NAV1: variants seen among roughly 807,000 people sequenced by gnomAD.
The protein encoded by NAV1 is neuron navigator 1.
A neutral mutation model predicts 175.2 loss-of-function variants in NAV1; 18 were observed. The observed-to-expected ratio is 0.10, with a 90% confidence interval of 0.07 to 0.15. NAV1 has a LOEUF of 0.15. Ranked by LOEUF, NAV1 falls within the 10% of genes least tolerant of loss-of-function variation. The probability of loss-of-function intolerance (pLI) is 1.00; values close to 1 mark genes in which losing one functional copy is unlikely to be tolerated. For missense variants in NAV1, 1,731 were observed against 2,436.6 expected (o/e 0.71, Z 6.10); for synonymous variants, 897 against 978.7 (o/e 0.92, Z 1.56).
At chr1:201,738,939 A>C (rs571892535) in intron 3 of NAV1, among the ~76,000 whole-genome samples, 1 of 152,324 alleles carries the variant, frequency 6.6e-6, no homozygotes, top group South Asian at 2.1e-4. Flanking sequence ...ATAGACACTT[A>C]GCCCCTTCCA....
chr1:201,826,921 A>T (rs1679702688), exon 30 of NAV1: 1 of 152,226 alleles, frequency 6.6e-6, no homozygotes, highest in African/African-American at 2.4e-5. Flanking sequence ...AGCAAGATTC[A>T]TCTGTTCAAT....
upstream of NAV1, chr1:201,622,766 C>G (rs190651449): frequency 1.0e-6 from 1 of 959,250 alleles, no homozygotes. Flanking sequence ...AGCCTCCCCA[C>G]AGACCCCAAC....
rs1221039793 is a variant in NAV1 at position 201,616,567 on chromosome 1, A to T, written c.-32-6286A>T. ...CAATAGCGCAATCTCGGCTCACTGC[A>T]ACCTCCGCCTCCCAGGTTCAAGCGA... On this transcript the variant is annotated intron_variant, in intron 2 of 33. Coordinates refer to the NAV1 transcript ENST00000685211. 2.6e-5 allele frequency among the ~76,000 whole-genome samples: 4 copies of T among 151,926 alleles called. No individual in the cohort carries two copies. The East Asian group carries it at 7.7e-4, about 29-fold the overall frequency.
chr1:201,626,815 C>T (rs1316972377), intron 1 of NAV1, among the ~76,000 whole-genome samples: 3 of 152,226 alleles, frequency 2.0e-5, no homozygotes, highest in African/African-American at 4.8e-5. Flanking sequence ...CAATTTTCTT[C>T]TCTCTGGTTC....
In NAV1 at chr1:201,807,936, G is replaced by A; in HGVS notation, c.3649-17G>A. ...TGGAGTCCTAATGTCCCTCTACCTG[G>A]ATCTGCTTTTTTCTAGCTTCGAAGT... On this transcript the variant is annotated splice_polypyrimidine_tract_variant and intron_variant, in intron 17 of 29. Coordinates refer to ENST00000367296, the Ensembl canonical transcript of NAV1. The surrounding 1 kb of genome is among the most constrained non-coding windows in gnomAD (Gnocchi z 5.4). The A allele has an allele frequency of 6.2e-7, 1 of 1,613,906 alleles. No homozygotes were observed. The highest frequency in any genetic ancestry group is 8.5e-7 in the Non-Finnish European group (1 of 1,179,880).
chr1:201,679,262 C>A (rs1670376220), intron 1 of NAV1, among the ~76,000 whole-genome samples: 1 of 152,124 alleles, frequency 6.6e-6, no homozygotes, highest in African/African-American at 2.4e-5. Flanking sequence ...CTTGGAGAAC[C>A]AGAAACCCTG....
In NAV1 at chr1:201,677,698, G is replaced by A. The variant is rs537313888; in HGVS notation, c.757+28273G>A. ...GCTGAAGTGCAGTGGCATGATCTCC[G>A]CTCACTGCAACCTTCGCCTCCCAGG... is the stretch of plus-strand genomic sequence containing the variant. On this transcript the variant is annotated intron_variant, in intron 1 of 29. Transcript: ENST00000367296. Among the ~76,000 whole-genome samples the A allele has an allele frequency of 1.2e-4, 18 of 152,204 alleles. 1 individual carries two copies. The South Asian group carries it at 3.7e-3, about 32-fold the overall frequency.
exon 30 of NAV1, chr1:201,825,448 C>G (rs1679617934): frequency 6.6e-6 from 1 of 152,104 alleles, no homozygotes; most frequent in Non-Finnish European, 1.5e-5. Context: ...CCAGAACCTC[C>G]TTCTGTATGG....
intron 3 of NAV1, among the ~76,000 whole-genome samples, chr1:201,752,875 A>G (rs563333661): frequency 1.8e-4 from 28 of 152,216 alleles, no homozygotes; most frequent in Non-Finnish European, 4.1e-4. Context: ...GGTAACTTGC[A>G]AATTTTTCCC....
chr1:201,725,227 C>G (rs1672554222), intron 3 of NAV1, among the ~76,000 whole-genome samples: 1 of 152,224 alleles, frequency 6.6e-6, no homozygotes, highest in Non-Finnish European at 1.5e-5. Context: ...TTTGAATGGA[C>G]AAGGAGTAGA....
chr1:201,719,434 G>A, intron 3 of NAV1: 2 of 154,154 alleles, frequency 1.3e-5, no homozygotes, highest in Middle Eastern at 1.1e-3. Flanking sequence ...CTTTTGCCCT[G>A]CAGGGACCCT....
At chr1:201,706,016 G>A (rs1671651836) in intron 1 of NAV1, among the ~76,000 whole-genome samples, 1 of 152,134 alleles carries the variant, frequency 6.6e-6, no homozygotes, top group Admixed American at 6.5e-5. Flanking sequence ...AGTGCACTGA[G>A]GTGGGCCTGC....
At chr1:201,723,243 T>C (rs1672466817) in intron 3 of NAV1, 1 of 152,382 alleles carries the variant, frequency 6.6e-6, no homozygotes, top group Admixed American at 6.5e-5. Flanking sequence ...TGGAGAGATA[T>C]CTATTCAAGT....
At chr1:201,598,482 C>T (rs1457255215) in intron 2 of NAV1, among the ~76,000 whole-genome samples, 5 of 152,084 alleles carry the variant, frequency 3.3e-5, no homozygotes, top group Non-Finnish European at 7.3e-5. Context: ...GGCCATGCGG[C>T]GTGGGGCCGG....
At chr1:201,793,333 A>T in intron 13 of NAV1, 3 of 154,828 alleles carry the variant, frequency 1.9e-5, no homozygotes, top group Non-Finnish European at 4.3e-5. Flanking sequence ...GTAGCAGAGG[A>T]GGAAGAAACG....
At chr1:201,689,845 T>C (rs1670831587) in intron 1 of NAV1, among the ~76,000 whole-genome samples, 1 of 152,230 alleles carries the variant, frequency 6.6e-6, no homozygotes, top group Non-Finnish European at 1.5e-5. Context: ...GGTTGGAGAT[T>C]CTGCTCCCCA....
rs116626396 is a variant in NAV1 at position 201,560,922 on chromosome 1, C to T, written c.-144+21580C>T. ...CAAAGCAGACAGTGGGCTCAGGGAACATAGTCAGCATTTCCGTTGCATTTG... is the reference window on the plus strand; with the variant it reads ...CAAAGCAGACAGTGGGCTCAGGGAATATAGTCAGCATTTCCGTTGCATTTG... On this transcript the variant is annotated intron_variant, in intron 1 of 33. Coordinates refer to the NAV1 transcript ENST00000685211. 3.6e-3 allele frequency among the ~76,000 whole-genome samples: 554 copies of T among 152,310 alleles called. 5 individuals carry two copies. Among genetic ancestry groups the T allele is most frequent in the African/African-American group, 0.012 (515 of 41,568 alleles).
intron 1 of NAV1, among the ~76,000 whole-genome samples, chr1:201,661,234 A>G (rs1017995527): frequency 3.3e-5 from 5 of 152,134 alleles, no homozygotes; most frequent in African/African-American, 9.7e-5. Context: ...CAGTCTAGCA[A>G]TGGTCCTTAG....
intron 3 of NAV1, among the ~76,000 whole-genome samples, chr1:201,749,281 C>A (rs1166689198): frequency 6.6e-6 from 1 of 152,236 alleles, no homozygotes; most frequent in Non-Finnish European, 1.5e-5. Context: ...ACTTCCTCAT[C>A]CCCACTTAGC....
Sources: gnomAD v4.1 joint callset for allele counts (sites outside exome capture counted in the v4.1 genomes callset) on GRCh38, gnomAD v4.1.1 for gene constraint, Gnocchi (gnomAD v3.1) non-coding constraint, MANE v1.5 for transcripts, NCBI Gene and HGNC (gene_info 2026-07-23, HGNC 2026-07-21) for gene names.